EFHC2: variants seen among roughly 807,000 people sequenced by gnomAD.
EFHC2 encodes EF-hand domain containing 2.
EFHC2 carries 18 observed loss-of-function variants against 52.7 expected under a neutral mutation model. The observed-to-expected ratio is 0.34, with a 90% CI of 0.24 to 0.51. The LOEUF is 0.51. Ranked by LOEUF, EFHC2 falls within the 20% of genes least tolerant of loss-of-function variation. The pLI is 0.97. For missense variants in EFHC2, 513 were observed against 562.5 expected (o/e 0.91, Z 0.89); for synonymous variants, 203 against 204.1 (o/e 0.99, Z 0.04).
intron 3 of EFHC2, among the ~76,000 whole-genome samples, chrX:44,265,549 G>A (rs903631271): frequency 2.7e-5 from 3 of 112,086 alleles, no homozygotes; most frequent in Non-Finnish European, 3.8e-5. Flanking sequence ...GATTACAGGC[G>A]TGAGCCACTG....
intron 12 of EFHC2, 43 bp from the exon 13 acceptor site, chrX:44,176,427 ACCTTTAG>A: frequency 1.1e-6 from 1 of 899,769 alleles, no homozygotes; most frequent in Non-Finnish European, 1.5e-6. Flanking sequence ...TACCTTGTAT[ACCTTTAG>A]TAATAATTAC....
At chrX:44,238,021 ACATGTATC>A (rs2037333343) in intron 8 of EFHC2, among the ~76,000 whole-genome samples, 1 of 111,523 alleles carries the variant, frequency 9.0e-6, no homozygotes, top group South Asian at 3.8e-4. Flanking sequence ...CTATACTCAC[ACATGTATC>A]CAACTGCCTA....
chrX:44,279,547 A>AT (rs2037686188), intron 2 of EFHC2, among the ~76,000 whole-genome samples: 1 of 111,767 alleles, frequency 8.9e-6, no homozygotes, highest in African/African-American at 3.2e-5. Flanking sequence ...GATACAGTGC[A>AT]TGACAGAGAT....
At position 44,178,550 on chromosome X, in the gene EFHC2, G is replaced by T; in HGVS notation, c.1766C>A (p.Ser589Tyr). 4.2e-6 allele frequency: 5 copies of T among 1,192,307 alleles called. No homozygotes were observed. In the African/African-American group the frequency reaches 7.0e-5, roughly 17 times the overall value. ...DYNTFRDILMSLTVGNLAEQE... is the reference protein window; with the variant it reads ...DYNTFRDILMYLTVGNLAEQE... ...CTCTGCAAGGTTTCCAACAGTCAAAGACATCAATATGTCTCTGTAATAAAA... is the reference window on the plus strand; with the variant it reads ...CTCTGCAAGGTTTCCAACAGTCAAATACATCAATATGTCTCTGTAATAAAA... The change falls in exon 12 of 15, where the codon TCT becomes TAT. Residue 589 changes from serine (S) to tyrosine (Y), a missense_variant. Coordinates refer to ENST00000420999, the MANE Select transcript of EFHC2 (RefSeq NM_025184.4).
At chrX:44,299,192 G>A (rs933021447) in intron 2 of EFHC2, among the ~76,000 whole-genome samples, 35 of 111,308 alleles carry the variant, frequency 3.1e-4, no homozygotes, top group African/African-American at 1.1e-3. Flanking sequence ...CATCTGAACA[G>A]ATCCCTCCTC....
chrX:44,168,186 A>G (rs919819135), intron 13 of EFHC2, among the ~76,000 whole-genome samples: 1 of 111,678 alleles, frequency 9.0e-6, no homozygotes, highest in African/African-American at 3.3e-5. Context: ...TCCAGGTGCC[A>G]ATAAAGGCAG....
At chrX:44,277,252 C>T (rs990069435) in intron 2 of EFHC2, among the ~76,000 whole-genome samples, 11 of 85,361 alleles carry the variant, frequency 1.3e-4, no homozygotes, top group Non-Finnish European at 2.0e-4. Context: ...GAGCGAGACT[C>T]CAGCTCAAAA....
At chrX:44,339,962 CAATA>C (rs767290948) in intron 1 of EFHC2, among the ~76,000 whole-genome samples, 38 of 111,942 alleles carry the variant, frequency 3.4e-4, no homozygotes, top group African/African-American at 1.2e-3. Context: ...CTAGGATACT[CAATA>C]AATAAATACT....
At chrX:44,310,376 G>A (rs1569306025) in intron 2 of EFHC2, 3 of 944,692 alleles carry the variant, frequency 3.2e-6, no homozygotes, top group South Asian at 4.3e-5. Context: ...CAGGGCCGGC[G>A]GCCTGTTCAC....
intron 2 of EFHC2, among the ~76,000 whole-genome samples, chrX:44,292,966 CCTTT>C (rs1218511955): frequency 2.9e-5 from 3 of 104,944 alleles, no homozygotes; most frequent in East Asian, 2.9e-4. Flanking sequence ...TATTTCTTTT[CCTTT>C]CTTTCTTTTT....
intron 13 of EFHC2, among the ~76,000 whole-genome samples, chrX:44,174,155 G>A (rs1256416766): frequency 8.9e-6 from 1 of 111,811 alleles, no homozygotes; most frequent in African/African-American, 3.3e-5. Flanking sequence ...TACTGTGCTG[G>A]GTACTTTATG....
intron 1 of EFHC2, among the ~76,000 whole-genome samples, chrX:44,335,202 TA>T (rs753592632): frequency 0.023 from 2,327 of 102,223 alleles, 73 homozygotes; most frequent in African/African-American, 0.079. Flanking sequence ...TTTTAAAAAT[TA>T]AAAAAAAAAG....
At chrX:44,207,314 C>T (rs1262906668) in intron 11 of EFHC2, among the ~76,000 whole-genome samples, 1 of 111,537 alleles carries the variant, frequency 9.0e-6, no homozygotes, top group Non-Finnish European at 1.9e-5. Flanking sequence ...GAGTTCAAAA[C>T]CAGCCTGGCC....
chrX:44,195,264 C>T (rs1011580983), intron 11 of EFHC2, among the ~76,000 whole-genome samples: 6 of 111,417 alleles, frequency 5.4e-5, no homozygotes, highest in African/African-American at 2.0e-4. Context: ...CTTCTGCCAT[C>T]GCCATGAGAA....
chrX:44,283,974 AAC>A (rs1431037077), intron 2 of EFHC2: 1 of 110,707 alleles, frequency 9.0e-6, no homozygotes, highest in Non-Finnish European at 1.9e-5. Context: ...TCCCCCAGCA[AAC>A]ACAGGTGCCC....
At chrX:44,151,611 A>G (rs1463010789) in intron 14 of EFHC2, among the ~76,000 whole-genome samples, 5 of 111,615 alleles carry the variant, frequency 4.5e-5, no homozygotes, top group Non-Finnish European at 7.5e-5. Context: ...AAAGTCACCA[A>G]TCAATGCATT....
At chrX:44,288,429 C>A (rs1472002190) in intron 2 of EFHC2, among the ~76,000 whole-genome samples, 4 of 107,543 alleles carry the variant, frequency 3.7e-5, no homozygotes, top group East Asian at 5.9e-4. Context: ...AAAAAAAAAA[C>A]ACACAAAGAG....
chrX:44,304,930 G>C (rs2037893298), intron 2 of EFHC2, among the ~76,000 whole-genome samples: 1 of 110,186 alleles, frequency 9.1e-6, no homozygotes, highest in African/African-American at 3.3e-5. Context: ...GCACCTCCTG[G>C]TCAGGGCTGG....
intron 11 of EFHC2, among the ~76,000 whole-genome samples, chrX:44,211,627 C>T (rs1043761312): frequency 1.3e-4 from 14 of 109,901 alleles, no homozygotes; most frequent in African/African-American, 3.3e-4. Flanking sequence ...TTTGGGAGGC[C>T]GAGGCGGGCA....
Sources: gnomAD v4.1 joint callset for allele counts (sites outside exome capture counted in the v4.1 genomes callset) on GRCh38, gnomAD v4.1.1 for gene constraint, MANE v1.5 for transcripts, NCBI Gene and HGNC (gene_info 2026-07-23, HGNC 2026-07-21) for gene names.